Variants in CAMSAP2 observed in about 807,000 individuals in gnomAD.
CAMSAP2 encodes calmodulin-regulated spectrin-associated protein 2.
A neutral mutation model predicts 146.1 loss-of-function variants in CAMSAP2; 26 were observed. That is an observed-to-expected ratio of 0.18 (90% CI 0.13 to 0.25). CAMSAP2 has a LOEUF of 0.25. Ranked by LOEUF, CAMSAP2 falls within the 10% of genes least tolerant of loss-of-function variation. CAMSAP2 has a pLI of 1.00. For synonymous variants in CAMSAP2, 499 were observed against 596.6 expected (o/e 0.84, Z 2.38); for missense variants, 1,381 against 1,759.3 (o/e 0.78, Z 3.85).
At chr1:200,778,962 A>T (rs1665358979) in intron 2 of CAMSAP2, among the ~76,000 whole-genome samples, 2 of 152,166 alleles carry the variant, frequency 1.3e-5, no homozygotes, top group South Asian at 4.1e-4. Flanking sequence ...GGCCAATCAG[A>T]TTCTTTGCCT....
At chr1:200,811,384 A>C (rs1666327391) in intron 3 of CAMSAP2, among the ~76,000 whole-genome samples, 1 of 152,076 alleles carries the variant, frequency 6.6e-6, no homozygotes, top group African/African-American at 2.4e-5. Flanking sequence ...TTCCTAGAAT[A>C]TTCCTCCTCA....
rs1667078371 is a variant in CAMSAP2, at chr1:200,832,824, C to G, written c.906C>G (p.Leu302=). 5 of 1,599,374 alleles carry G rather than the reference C, an allele frequency of 3.1e-6. No individual in the cohort carries two copies. Among genetic ancestry groups the G allele is most frequent in the African/African-American group, 1.4e-5 (1 of 74,042 alleles). The change falls in exon 6 of 17, where the codon CTC becomes CTG. Residue 302 remains leucine, a synonymous_variant. Transcript: ENST00000358823. The surrounding 1 kb of genome is among the most constrained non-coding windows in gnomAD (Gnocchi z 4.2). Reference sequence around the variant, plus strand: ...GCCATTTCACTCTGGAAGATATGCTCTATGCTGCTTCATCCATAAAGGTAA... The same window carrying G: ...GCCATTTCACTCTGGAAGATATGCTGTATGCTGCTTCATCCATAAAGGTAA... The part of the protein sequence containing the change: ...QCCHFTLEDM[L]YAASSIKSNY...
chr1:200,844,712 T>C (rs1667416510), intron 7 of CAMSAP2, 70 bp from the exon 8 acceptor site: 1 of 788,104 alleles, frequency 1.3e-6, no homozygotes, highest in South Asian at 1.9e-5. Flanking sequence ...GTTATAAATT[T>C]GCTTATGGTC....
chr1:200,816,594 C>CAAAA (rs1316338918), intron 4 of CAMSAP2, among the ~76,000 whole-genome samples: 118 of 92,822 alleles, frequency 1.3e-3, no homozygotes, highest in African/African-American at 4.3e-3. Context: ...AACTTCATCT[C>CAAAA]AAAAAAAAAA....
chr1:200,775,987 CAA>C (rs559487129), intron 2 of CAMSAP2, among the ~76,000 whole-genome samples: 1 of 139,310 alleles, frequency 7.2e-6, no homozygotes. Context: ...TCTTTAAAAA[CAA>C]AAAAAAAAAG....
At position 200,832,493 on chromosome 1, in the gene CAMSAP2, TA is replaced by T. The variant is rs1232129741; in HGVS notation, c.787+157del. ...TTAATAAGTACTGAAGACTTTTTTT[TA>T]AAAATAAAGAACATTTATATATAAT... On this transcript the variant is annotated intron_variant, in intron 5 of 16. Coordinates refer to ENST00000358823, the MANE Select transcript of CAMSAP2 (RefSeq NM_203459.4). The surrounding 1 kb of genome is among the most constrained non-coding windows in gnomAD (Gnocchi z 4.2). 1.2e-6 allele frequency: 1 copy of T among 820,882 alleles called. No individual in the cohort carries two copies. The highest frequency in any genetic ancestry group is 1.8e-5 in the African/African-American group (1 of 56,384). The allele number at this position is 820,882 out of a possible 1,614,324, so 50.8% of individuals were successfully genotyped here.
In CAMSAP2 at chr1:200,815,284, A is replaced by G. The variant is rs1666451259; in HGVS notation, c.562-277A>G. On this transcript the variant is annotated intron_variant, in intron 3 of 16. Coordinates refer to ENST00000358823, the MANE Select transcript of CAMSAP2 (RefSeq NM_203459.4). ...CCTAAGCATTAAAACTGACATTACC[A>G]AGTACCTTTTTTCCCTTAGCGCTCC... Among the ~76,000 whole-genome samples the G allele has an allele frequency of 2.0e-5, 3 of 152,164 alleles. No individual in the cohort carries two copies. In the South Asian group the frequency reaches 6.2e-4, roughly 32 times the overall value.
intron 1 of CAMSAP2, among the ~76,000 whole-genome samples, chr1:200,754,129 T>G (rs978422636): frequency 6.6e-6 from 1 of 152,238 alleles, no homozygotes; most frequent in African/African-American, 2.4e-5. Flanking sequence ...ATTTTTTTCC[T>G]TTATTAAAAT....
At chr1:200,802,727 A>T (rs1289191735) in intron 2 of CAMSAP2, among the ~76,000 whole-genome samples, 2 of 152,210 alleles carry the variant, frequency 1.3e-5, no homozygotes, top group Non-Finnish European at 2.9e-5. Flanking sequence ...AGTAAAAGCC[A>T]TGCAGTAGTA....
chr1:200,794,034 G>A (rs992348800), intron 2 of CAMSAP2, among the ~76,000 whole-genome samples: 2 of 152,016 alleles, frequency 1.3e-5, no homozygotes, highest in Non-Finnish European at 2.9e-5. Flanking sequence ...TAGTTTTCTG[G>A]GACAAGAATA....
At chr1:200,824,444 T>C (rs1163042327) in intron 4 of CAMSAP2, among the ~76,000 whole-genome samples, 1 of 152,138 alleles carries the variant, frequency 6.6e-6, no homozygotes, top group African/African-American at 2.4e-5. Context: ...TAGGCCCTAT[T>C]TCAGTAGACA....
intron 1 of CAMSAP2, among the ~76,000 whole-genome samples, chr1:200,746,466 G>A (rs1311963577): frequency 6.6e-6 from 1 of 152,138 alleles, no homozygotes; most frequent in Non-Finnish European, 1.5e-5. Context: ...GCGGGTTGGG[G>A]GGAAAGAACC....
chr1:200,748,848 CTATT>C (rs1425941501), intron 1 of CAMSAP2, among the ~76,000 whole-genome samples: 5 of 151,252 alleles, frequency 3.3e-5, no homozygotes, highest in African/African-American at 1.2e-4. Flanking sequence ...CATGACTTCT[CTATT>C]TATTAGCTGA....
At chr1:200,837,526 T>C (rs1667215317) in intron 6 of CAMSAP2, among the ~76,000 whole-genome samples, 1 of 152,208 alleles carries the variant, frequency 6.6e-6, no homozygotes, top group Non-Finnish European at 1.5e-5. Context: ...TGCTTTGTTC[T>C]TTTTGCTTAA....
At position 200,857,539 on chromosome 1, in the gene CAMSAP2, C is replaced by G; in HGVS notation, c.4131+115C>G. The G allele has an allele frequency of 1.2e-6, 1 of 817,882 alleles. No individual in the cohort carries two copies. Among genetic ancestry groups the G allele is most frequent in the South Asian group, 1.7e-5 (1 of 58,266 alleles). The allele number at this position is 817,882 out of a possible 1,614,324, so 50.7% of individuals were successfully genotyped here. ...CAACAGCATGTAAAAAGATCTGTAG[C>G]TAGATGTTTTAATTATCAGATTTAG... is the stretch of plus-strand genomic sequence containing the variant. On this transcript the variant is annotated intron_variant, in intron 16 of 16. Coordinates refer to ENST00000358823, the MANE Select transcript of CAMSAP2 (RefSeq NM_203459.4). The surrounding 1 kb of genome is among the most constrained non-coding windows in gnomAD (Gnocchi z 4.7).
chr1:200,816,952 ACACACACGCGTG>A (rs1666564184), intron 4 of CAMSAP2, among the ~76,000 whole-genome samples: 2 of 55,976 alleles, frequency 3.6e-5, no homozygotes, highest in African/African-American at 1.5e-4. Flanking sequence ...ATGTGTGTAC[ACACACACGCGTG>A]TGTATGTGTA....
chr1:200,832,880 G>T lies in CAMSAP2; in HGVS notation c.927+35G>T. ...ATTATTCTTTTTTTCCCTTTGCTTT[G>T]TTAAAATATGTTTTTTTAAAAAACA... On this transcript the variant is annotated intron_variant, in intron 6 of 16. Coordinates refer to ENST00000358823, the MANE Select transcript of CAMSAP2 (RefSeq NM_203459.4). This position sits in a 1 kb window ranked among gnomAD's most constrained non-coding sequence, Gnocchi z 4.2. 1 of 1,520,856 alleles carries T rather than the reference G, an allele frequency of 6.6e-7. No homozygotes were observed. Among genetic ancestry groups the T allele is most frequent in the East Asian group, 2.4e-5 (1 of 41,984 alleles). 94.2% of individuals were successfully genotyped at this position (1,520,856 alleles called of 1,614,324 possible).
chr1:200,850,228 T>C lies in CAMSAP2; in HGVS notation c.3459T>C (p.Phe1153=). The change falls in exon 11 of 17, where the codon TTT becomes TTC. Residue 1153 remains phenylalanine (F), a synonymous_variant. Transcript: ENST00000358823. ...DDDQKVCCGF[F]FKDDQKAEND... ...ACCAGAAAGTATGCTGTGGATTCTT[T>C]TTTAAGGTGTAGTATTAATCTGCAT... 1.3e-6 allele frequency: 2 copies of C among 1,577,286 alleles called. No individual in the cohort carries two copies. Among genetic ancestry groups the C allele is most frequent in the Non-Finnish European group, 1.7e-6 (2 of 1,165,096 alleles).
chr1:200,744,096 A>G (rs1664254144), intron 1 of CAMSAP2, among the ~76,000 whole-genome samples: 2 of 152,212 alleles, frequency 1.3e-5, no homozygotes, highest in African/African-American at 4.8e-5. Flanking sequence ...TTCCAATTTT[A>G]CTGATGAGGA....
Sources: gnomAD v4.1 joint callset for allele counts (sites outside exome capture counted in the v4.1 genomes callset) on GRCh38, gnomAD v4.1.1 for gene constraint, Gnocchi (gnomAD v3.1) non-coding constraint, MANE v1.5 for transcripts, NCBI Gene and HGNC (gene_info 2026-07-23, HGNC 2026-07-21) for gene names.